The following KCNQ1 variants were observed in gnomAD, a reference collection of about 807,000 sequenced individuals.
The protein encoded by KCNQ1 is potassium voltage-gated channel subfamily Q member 1, also known as potassium voltage-gated channel subfamily KQT member 1.
In KCNQ1, 49 loss-of-function variants were observed where a neutral mutation model predicts 72.4. The ratio of observed to expected loss-of-function variants is 0.68; its 90% CI spans 0.54 to 0.86. The LOEUF is 0.86. KCNQ1 is among the 40% of genes least tolerant of loss of function. The pLI, the probability that KCNQ1 is intolerant of heterozygous loss-of-function variation, is 0.00. For missense variants in KCNQ1, 790 were observed against 945.1 expected, an observed-to-expected ratio of 0.84 and a Z score of 2.15; for synonymous variants, 450 against 412.6, an observed-to-expected ratio of 1.09 and a Z score of -1.10.
rs1012610783 is a variant in KCNQ1 at position 2,658,016 on chromosome 11, C to G, written c.1394-3945C>G. The G allele has an allele frequency of 2.5e-6, 1 of 398,442 alleles. No individual in the cohort carries two copies. Among genetic ancestry groups the G allele is most frequent in the African/African-American group, 2.1e-5 (1 of 48,602 alleles). 24.7% of individuals were successfully genotyped at this position (398,442 alleles called of 1,614,324 possible). A position where few individuals can be genotyped will look rare whatever the true frequency, so the allele number is the denominator to read the frequency against. On this transcript the variant is annotated intron_variant, in intron 10 of 15. Transcript: ENST00000155840. The surrounding 1 kb of genome is among the most constrained non-coding windows in gnomAD (Gnocchi z 4.9). ...TAAGTGAATAGCTGTTTTTCCCTTT[C>G]CATAGCTTAGTCTTTAGAAGCGAGT...
intron 15 of KCNQ1, among the ~76,000 whole-genome samples, chr11:2,797,535 A>G (rs1192259698): frequency 1.3e-5 from 2 of 152,074 alleles, no homozygotes; most frequent in Non-Finnish European, 1.5e-5. Flanking sequence ...CCTCCTGGCC[A>G]CCTGCCCCTG....
chr11:2,733,820 T>TCTCTCTCA (rs1845899837), intron 11 of KCNQ1, among the ~76,000 whole-genome samples: 1 of 25,124 alleles, frequency 4.0e-5, no homozygotes, highest in African/African-American at 1.2e-4. Flanking sequence ...ACACACTCTC[T>TCTCTCTCA]CACTCTCTCT....
Position 2,657,896 on chromosome 11 carries a change from C to T in KCNQ1, c.1394-4065C>T, listed in dbSNP as rs1371628929. On this transcript the variant is annotated intron_variant, in intron 10 of 15. Coordinates refer to ENST00000155840, the MANE Select transcript of KCNQ1 (RefSeq NM_000218.3). The surrounding 1 kb of genome is among the most constrained non-coding windows in gnomAD (Gnocchi z 4.8). ...GGAGGCCAGTGAGGTGAGATGCTTT[C>T]CTCATTGTGGAACATGACATCAACA... 2.5e-6 allele frequency: 1 copy of T among 398,486 alleles called. No homozygotes were observed. The highest frequency in any genetic ancestry group is 2.1e-5 in the African/African-American group (1 of 48,626). 24.7% of individuals were successfully genotyped at this position (398,486 alleles called of 1,614,324 possible).
chr11:2,554,826 A>G (rs1848044433), intron 2 of KCNQ1, among the ~76,000 whole-genome samples: 1 of 152,248 alleles, frequency 6.6e-6, no homozygotes, highest in Non-Finnish European at 1.5e-5. Context: ...TTAGCTCTTA[A>G]AACAGCAAAA....
chr11:2,798,785 G>T (rs970497584), intron 15 of KCNQ1, among the ~76,000 whole-genome samples: 2 of 152,186 alleles, frequency 1.3e-5, no homozygotes, highest in African/African-American at 4.8e-5. Context: ...CTTAATCGTA[G>T]CAGAGAAAAT....
At position 2,462,118 on chromosome 11, in the gene KCNQ1, A is replaced by AG. The variant is rs1027904437; in HGVS notation, c.386+16639dup. The AG allele has an allele frequency of 1.2e-4, 33 of 275,890 alleles. No homozygotes were observed. The highest frequency in any genetic ancestry group is 7.0e-4 in the African/African-American group (32 of 45,644). The allele number at this position is 275,890 out of a possible 1,614,324, so 17.1% of individuals were successfully genotyped here. A position where few individuals can be genotyped will look rare whatever the true frequency, so the allele number is the denominator to read the frequency against. On this transcript the variant is annotated intron_variant, in intron 1 of 15. Transcript: ENST00000155840. This position sits in a 1 kb window ranked among gnomAD's most constrained non-coding sequence, Gnocchi z 8.2. ...TTCACAAGAATCCTTCCCTGGGCTG[A>AG]GGGGGCGTTGCTGTGGGTGTATCTC...
At chr11:2,716,340 G>A (rs1256615956) in intron 11 of KCNQ1, among the ~76,000 whole-genome samples, 2 of 152,168 alleles carry the variant, frequency 1.3e-5, no homozygotes, top group African/African-American at 2.4e-5. Flanking sequence ...ACCCTCTAGG[G>A]CACAGCTTTG....
chr11:2,590,606 C>T (rs538794717), intron 10 of KCNQ1, among the ~76,000 whole-genome samples: 2 of 152,380 alleles, frequency 1.3e-5, no homozygotes, highest in East Asian at 3.9e-4. Context: ...TCCAGACAGA[C>T]ATCACGCACG....
chr11:2,479,071 G>C lies in KCNQ1; in HGVS notation c.386+33587G>C, dbSNP rs926515458. 6.6e-6 allele frequency among the ~76,000 whole-genome samples: 1 copy of C among 152,234 alleles called. No homozygotes were observed. The highest frequency in any genetic ancestry group is 2.4e-5 in the African/African-American group (1 of 41,460). On this transcript the variant is annotated intron_variant, in intron 1 of 15. Coordinates refer to ENST00000155840, the MANE Select transcript of KCNQ1 (RefSeq NM_000218.3). The surrounding 1 kb of genome is among the most constrained non-coding windows in gnomAD (Gnocchi z 4.6). ...CATCTAGGTCATGCTGATGCAAGAG[G>C]TGGGTTCCCATAGTCTTGAGCAGCT...
At chr11:2,465,860 T>C (rs1042986404) in intron 1 of KCNQ1, among the ~76,000 whole-genome samples, 5 of 152,212 alleles carry the variant, frequency 3.3e-5, no homozygotes, top group Non-Finnish European at 7.4e-5. Flanking sequence ...GGAAGGCCAT[T>C]TGGAGCCTGG....
At position 2,816,048 on chromosome 11, in the gene KCNQ1, T is replaced by C. The variant is rs1847607621; in HGVS notation, c.1795-31719T>C. 6.6e-6 allele frequency among the ~76,000 whole-genome samples: 1 copy of C among 152,148 alleles called. No individual in the cohort carries two copies. The highest frequency in any genetic ancestry group is 1.5e-5 in the Non-Finnish European group (1 of 68,018). ...GGGTGAGGGCTCCGTTAGATGAATG[T>C]GGACGGCTGGCGGCCGGGGCTTGGG... On this transcript the variant is annotated intron_variant, in intron 15 of 15. Transcript: ENST00000155840. This position sits in a 1 kb window ranked among gnomAD's most constrained non-coding sequence, Gnocchi z 6.8.
chr11:2,700,620 G>C (rs937546959), intron 11 of KCNQ1, among the ~76,000 whole-genome samples: 2 of 152,120 alleles, frequency 1.3e-5, no homozygotes, highest in Non-Finnish European at 1.5e-5. Context: ...GCTGTGCCTG[G>C]AACACCCGTG....
rs1846957015 is a variant in KCNQ1 at position 2,498,488 on chromosome 11, G to A, written c.387-29440G>A. On this transcript the variant is annotated intron_variant, in intron 1 of 15. Coordinates refer to ENST00000155840, the MANE Select transcript of KCNQ1 (RefSeq NM_000218.3). The surrounding 1 kb of genome is among the most constrained non-coding windows in gnomAD (Gnocchi z 4.8). ...CTCCCAGCCTCCTTAGCACTATCAG[G>A]GGAAAACCGCCTACTAAAGCCTCAG... Among the ~76,000 whole-genome samples, 1 of 150,812 alleles carries A rather than the reference G, an allele frequency of 6.6e-6. No homozygotes were observed. The highest frequency in any genetic ancestry group is 1.5e-5 in the Non-Finnish European group (1 of 67,108).
At chr11:2,699,670 A>AACCGCGCCGAAGAACCCCCGGGGAGG (rs1850753230) in intron 11 of KCNQ1, 2 of 350,742 alleles carry the variant, frequency 5.7e-6, no homozygotes, top group African/African-American at 2.2e-5. Flanking sequence ...CCCCGGGGAG[A>AACCGCGCCGAAGAACCCCCGGGGAGG]ACCGCGCCGA....
rs1013443639 is a variant in KCNQ1 at position 2,472,635 on chromosome 11, C to T, written c.386+27151C>T. 2.2e-5 allele frequency among the ~76,000 whole-genome samples: 3 copies of T among 136,320 alleles called. No individual in the cohort carries two copies. The Admixed American group carries it at 2.2e-4, about 10-fold the overall frequency. 89.4% of individuals were successfully genotyped at this position (136,320 alleles called of 152,430 possible). ...GGGTGTCATGCGGGGCTTTCTGAGT[C>T]ACTGGCTGCGTGAGATGTGAGTAGG... On this transcript the variant is annotated intron_variant, in intron 1 of 15. Coordinates refer to ENST00000155840, the MANE Select transcript of KCNQ1 (RefSeq NM_000218.3).
chr11:2,641,407 A>T (rs148504488), intron 10 of KCNQ1: 7 of 398,142 alleles, frequency 1.8e-5, no homozygotes, highest in African/African-American at 1.4e-4. Flanking sequence ...TTTTTTTTAA[A>T]TATACCTGTT....
In KCNQ1 at chr11:2,541,557, T is replaced by C. The variant is rs1847823862; in HGVS notation, c.477+13539T>C. ...GGACCTGGCGGTGGCTATGAAAGCC[T>C]GGGATTGAGGACAAAGCCATGGGGA... On this transcript the variant is annotated intron_variant, in intron 2 of 15. Coordinates refer to ENST00000155840, the MANE Select transcript of KCNQ1 (RefSeq NM_000218.3). The surrounding 1 kb of genome is among the most constrained non-coding windows in gnomAD (Gnocchi z 4.8). Among the ~76,000 whole-genome samples, 1 of 151,990 alleles carries C rather than the reference T, an allele frequency of 6.6e-6. No homozygotes were observed. The highest frequency in any genetic ancestry group is 6.6e-5 in the Admixed American group (1 of 15,254).
rs771081035 is a variant in KCNQ1, at chr11:2,515,585, G to T, written c.387-12343G>T. Among the ~76,000 whole-genome samples, 4 of 152,112 alleles carry T rather than the reference G, an allele frequency of 2.6e-5. No individual in the cohort carries two copies. Among genetic ancestry groups the T allele is most frequent in the Admixed American group, 6.5e-5 (1 of 15,280 alleles). Reference sequence around the variant, plus strand: ...GGCAGAGCCTCGCCATTTCTGGGGTGGGGGGTGCACAGGTGCATCTGGTCT... The same window carrying T: ...GGCAGAGCCTCGCCATTTCTGGGGTTGGGGGTGCACAGGTGCATCTGGTCT... On this transcript the variant is annotated intron_variant, in intron 1 of 15. Transcript: ENST00000155840. The surrounding 1 kb of genome is among the most constrained non-coding windows in gnomAD (Gnocchi z 4.7).
intron 1 of KCNQ1, among the ~76,000 whole-genome samples, chr11:2,518,723 C>T (rs532711447): frequency 2.6e-5 from 4 of 152,280 alleles, no homozygotes; most frequent in East Asian, 1.9e-4. Flanking sequence ...TCTTACCCAC[C>T]GGCCACACCA....
Sources: gnomAD v4.1 joint callset for allele counts (sites outside exome capture counted in the v4.1 genomes callset) on GRCh38, gnomAD v4.1.1 for gene constraint, Gnocchi (gnomAD v3.1) non-coding constraint, MANE v1.5 for transcripts, NCBI Gene and HGNC (gene_info 2026-07-23, HGNC 2026-07-21) for gene names.